The following SLC6A11 variants were observed in gnomAD, a reference collection of about 807,000 sequenced individuals.
SLC6A11 encodes the protein sodium- and chloride-dependent GABA transporter 3.
SLC6A11 carries 25 observed loss-of-function variants against 74.8 expected under a neutral mutation model. The ratio of observed to expected loss-of-function variants is 0.33; its 90% confidence interval spans 0.24 to 0.47. The LOEUF (loss-of-function observed/expected upper bound fraction) is 0.47, where lower values mean the gene tolerates loss of function less well. Among genes scored for constraint, SLC6A11 ranks in the 20% least tolerant of loss-of-function variants. The pLI is 1.00. For missense variants in SLC6A11, 574 were observed against 837.0 expected, an observed-to-expected ratio of 0.69 and a Z score of 3.88; for synonymous variants, 330 against 330.2, an observed-to-expected ratio of 1.00 and a Z score of 0.01.
chr3:10,929,892 A>G (rs930297415), intron 10 of SLC6A11, among the ~76,000 whole-genome samples: 6 of 152,136 alleles, frequency 3.9e-5, no homozygotes, highest in Non-Finnish European at 8.8e-5. Context: ...AGACCATCTG[A>G]TAAAACCATA....
intron 6 of SLC6A11, among the ~76,000 whole-genome samples, chr3:10,907,130 A>G (rs889813386): frequency 2.0e-5 from 3 of 152,230 alleles, no homozygotes; most frequent in Admixed American, 2.0e-4. Context: ...GCTAAAGGAA[A>G]ATAATAAACC....
chr3:10,819,213 C>T (rs1459787589), intron 1 of SLC6A11, among the ~76,000 whole-genome samples: 1 of 152,114 alleles, frequency 6.6e-6, no homozygotes, highest in East Asian at 1.9e-4. Flanking sequence ...CATTACAGTT[C>T]TATGAGGGAA....
At chr3:10,905,466 AG>A (rs1575697105) in intron 6 of SLC6A11, among the ~76,000 whole-genome samples, 2 of 152,352 alleles carry the variant, frequency 1.3e-5, no homozygotes, top group East Asian at 3.9e-4. Flanking sequence ...GGTGCAAGAG[AG>A]CCCCTTCACA....
intron 5 of SLC6A11, among the ~76,000 whole-genome samples, chr3:10,859,770 A>G (rs574355732): frequency 2.0e-5 from 3 of 152,340 alleles, no homozygotes; most frequent in African/African-American, 7.2e-5. Flanking sequence ...TCTAAGTTAC[A>G]TCATTATTTT....
intron 5 of SLC6A11, among the ~76,000 whole-genome samples, chr3:10,873,548 T>TGGCATGCTATCCTATCCTAC (rs1694861619): frequency 7.2e-6 from 1 of 139,268 alleles, no homozygotes; most frequent in Non-Finnish European, 1.5e-5. Context: ...TCCTATCCTA[T>TGGCATGCTATCCTATCCTAC]CCTACCCTAC....
chr3:10,843,860 G>A (rs769359046), intron 4 of SLC6A11, among the ~76,000 whole-genome samples: 1 of 152,232 alleles, frequency 6.6e-6, no homozygotes, highest in Non-Finnish European at 1.5e-5. Flanking sequence ...AGGGCAGGAT[G>A]TATGGGCTCC....
chr3:10,816,782 T>G lies in SLC6A11; in HGVS notation c.256+261T>G, dbSNP rs1016621145. On this transcript the variant is annotated intron_variant, in intron 1 of 13. Transcript: ENST00000254488. This position sits in a 1 kb window ranked among gnomAD's most constrained non-coding sequence, Gnocchi z 4.2. ...CCCGCGTTCTGTCCCCAGCATGAGA[T>G]GCAGACCGAGGCCAGGGAGCCCTTG... Among the ~76,000 whole-genome samples the G allele has an allele frequency of 3.3e-5, 5 of 152,230 alleles. No individual in the cohort carries two copies. Among genetic ancestry groups the G allele is most frequent in the Non-Finnish European group, 5.9e-5 (4 of 68,040 alleles).
intron 10 of SLC6A11, among the ~76,000 whole-genome samples, chr3:10,929,865 C>T (rs1263048106): frequency 6.6e-6 from 1 of 152,156 alleles, no homozygotes; most frequent in African/African-American, 2.4e-5. Flanking sequence ...GAGAGGTTCT[C>T]CATGACCTCC....
intron 4 of SLC6A11, among the ~76,000 whole-genome samples, chr3:10,834,111 C>T (rs569519800): frequency 2.6e-5 from 4 of 152,298 alleles, no homozygotes; most frequent in East Asian, 3.9e-4. Context: ...TCATCTCACA[C>T]GGGGGATTCT....
chr3:10,923,870 C>T (rs77667143), intron 8 of SLC6A11, among the ~76,000 whole-genome samples: 1 of 152,302 alleles, frequency 6.6e-6, no homozygotes, highest in South Asian at 2.1e-4. Context: ...CATGTACCCC[C>T]GATATAATAC....
At chr3:10,894,715 C>T (rs1420135183) in intron 6 of SLC6A11, among the ~76,000 whole-genome samples, 8 of 152,092 alleles carry the variant, frequency 5.3e-5, no homozygotes, top group South Asian at 4.1e-4. Context: ...TCACGTCTAT[C>T]GTACAGCATG....
Position 10,914,134 on chromosome 3 carries a change from G to A in SLC6A11, c.995+1941G>A, listed in dbSNP as rs115865690. Among the ~76,000 whole-genome samples the A allele has an allele frequency of 1.3e-3, 191 of 152,268 alleles. 1 individual carries two copies. Among genetic ancestry groups the A allele is most frequent in the African/African-American group, 4.2e-3 (173 of 41,538 alleles). On this transcript the variant is annotated intron_variant, in intron 7 of 13. Coordinates refer to ENST00000254488, the MANE Select transcript of SLC6A11 (RefSeq NM_014229.3). Reference sequence around the variant, plus strand: ...ACATCACTGGGTCATCATGTGGCTCGAGTGGCACCATGCATTTGAAAGAAC... The same window carrying A: ...ACATCACTGGGTCATCATGTGGCTCAAGTGGCACCATGCATTTGAAAGAAC...
intron 1 of SLC6A11, 89 bp from the exon 2 acceptor site, chr3:10,819,376 G>A (rs955863471): frequency 6.4e-5 from 83 of 1,301,726 alleles, no homozygotes; most frequent in Non-Finnish European, 8.6e-5. Flanking sequence ...CATCATGTCT[G>A]GCCTGTAGTA....
chr3:10,864,107 G>A (rs752853280), intron 5 of SLC6A11, among the ~76,000 whole-genome samples: 67 of 151,918 alleles, frequency 4.4e-4, no homozygotes, highest in Admixed American at 1.3e-4. Context: ...CCCAAGTGAA[G>A]CATTTTTCCC....
intron 3 of SLC6A11, among the ~76,000 whole-genome samples, chr3:10,822,032 A>G (rs1694144646): frequency 6.6e-6 from 1 of 152,228 alleles, no homozygotes; most frequent in African/African-American, 2.4e-5. Flanking sequence ...GCAGGCAGAC[A>G]ATCTGGATTT....
At chr3:10,891,213 C>A (rs1449021319) in intron 6 of SLC6A11, among the ~76,000 whole-genome samples, 1 of 152,168 alleles carries the variant, frequency 6.6e-6, no homozygotes, top group Non-Finnish European at 1.5e-5. Flanking sequence ...TTTCTAGCAT[C>A]TGGGAGAATT....
chr3:10,852,327 G>T (rs1019845379), intron 5 of SLC6A11, among the ~76,000 whole-genome samples: 1 of 152,252 alleles, frequency 6.6e-6, no homozygotes, highest in African/African-American at 2.4e-5. Flanking sequence ...CCGCCATGCC[G>T]TTGGGAGCAC....
chr3:10,892,569 CTTTT>C (rs538633528), intron 6 of SLC6A11, among the ~76,000 whole-genome samples: 10 of 137,888 alleles, frequency 7.3e-5, no homozygotes, highest in Non-Finnish European at 9.6e-5. Context: ...CACTGTCTTC[CTTTT>C]TTTTTTTTTT....
chr3:10,937,160 A>G (rs1304894284), intron 13 of SLC6A11, among the ~76,000 whole-genome samples: 1 of 152,148 alleles, frequency 6.6e-6, no homozygotes, highest in Non-Finnish European at 1.5e-5. Context: ...CCGCTCAACT[A>G]ATCTGATCCT....
Sources: allele counts gnomAD v4.1 joint callset (sites outside exome capture counted in the v4.1 genomes callset), GRCh38; gene constraint gnomAD v4.1.1; non-coding constraint Gnocchi (gnomAD v3.1); transcripts MANE v1.5; gene names NCBI Gene and HGNC (gene_info 2026-07-23, HGNC 2026-07-21).